The following DENND2A variants were observed in gnomAD, a reference collection of about 807,000 sequenced individuals.
DENND2A encodes DENN domain containing 2A.
In DENND2A, 53 loss-of-function variants were observed where a neutral mutation model predicts 105.3. That is an observed-to-expected ratio of 0.50 (90% CI 0.40 to 0.63). DENND2A has a LOEUF of 0.63. DENND2A is among the 30% of genes least tolerant of loss of function. The probability of loss-of-function intolerance (pLI) is 0.00; values close to 1 mark genes in which losing one functional copy is unlikely to be tolerated. For missense variants in DENND2A, 1,138 were observed against 1,279.6 expected (o/e 0.89, Z 1.69); for synonymous variants, 522 against 508.4 (o/e 1.03, Z -0.36).
intron 1 of DENND2A, among the ~76,000 whole-genome samples, chr7:140,635,639 G>A (rs537151084): frequency 5.8e-4 from 88 of 152,290 alleles, no homozygotes; most frequent in African/African-American, 2.1e-3. Flanking sequence ...CTGCAAGGGT[G>A]ACCCACCCCT....
At chr7:140,522,387 C>T (rs1465040461) in intron 17 of DENND2A, among the ~76,000 whole-genome samples, 1 of 152,056 alleles carries the variant, frequency 6.6e-6, no homozygotes, top group Non-Finnish European at 1.5e-5. Context: ...AATCCTGACT[C>T]ACTGCAACCT....
intron 3 of DENND2A, among the ~76,000 whole-genome samples, chr7:140,592,212 A>ATTT (rs576837816): frequency 7.4e-6 from 1 of 134,292 alleles, no homozygotes; most frequent in African/African-American, 2.8e-5. Flanking sequence ...GCTAATTTTT[A>ATTT]TTTTTTTTTT....
Position 140,602,016 on chromosome 7 carries a change from G to C in DENND2A, c.382C>G (p.Leu128Val). Reference sequence around the variant, plus strand: ...TCCACTTCCCGTTCTGGCTGGCTTAGGTCTTGCCCCGGCTCTGGGTCCTGT... The same window carrying C: ...TCCACTTCCCGTTCTGGCTGGCTTACGTCTTGCCCCGGCTCTGGGTCCTGT... The part of the protein sequence containing the change: ...GGQDPEPGQD[L>V]SQPEREVDPS... Residue 128 changes from leucine to valine, a missense_variant, in exon 3 of 20, where the codon CTA becomes GTA. Physicochemically the swap from Leu to Val is conservative, Grantham distance 32 (BLOSUM62 1). Transcript: ENST00000496613. 2 of 1,614,210 alleles carry C rather than the reference G, an allele frequency of 1.2e-6. No homozygotes were observed. Among genetic ancestry groups the C allele is most frequent in the Non-Finnish European group, 1.7e-6 (2 of 1,180,034 alleles).
intron 5 of DENND2A, among the ~76,000 whole-genome samples, chr7:140,574,439 G>A (rs764508302): frequency 3.3e-5 from 5 of 152,064 alleles, no homozygotes; most frequent in East Asian, 3.9e-4. Context: ...GGCTGGTCTC[G>A]AACTCTTAAG....
At chr7:140,603,334 T>C (rs1227434576) in intron 2 of DENND2A, among the ~76,000 whole-genome samples, 1 of 152,150 alleles carries the variant, frequency 6.6e-6, no homozygotes, top group Non-Finnish European at 1.5e-5. Flanking sequence ...AGGTAAAAGA[T>C]TACATAGGCT....
At chr7:140,563,813 A>T (rs2130583665) in intron 9 of DENND2A, among the ~76,000 whole-genome samples, 1 of 152,146 alleles carries the variant, frequency 6.6e-6, no homozygotes, top group Non-Finnish European at 1.5e-5. Flanking sequence ...GTCTCTACGA[A>T]AAATAAATAA....
Position 140,585,696 on chromosome 7 carries a change from C to T in DENND2A, c.1138G>A (p.Glu380Lys), listed in dbSNP as rs1798753275. ...AACTCGATGTCCTCATAAGGGTTCT[C>T]CTTCATTGGCGGATCTGTGTTCAAA... ...YEDILDPPMK[E>K]NPYEDIELHG... Residue 380 changes from glutamate (E) to lysine (K), a missense_variant, in exon 5 of 20, where the codon GAG (glutamate) becomes AAG (lysine). Glu to Lys is a moderately conservative substitution (Grantham distance 56). This residue lies in a region of DENND2A where 511 missense variants were observed against 499.9 expected (regional missense o/e 1.02). Transcript: ENST00000496613. The T allele has an allele frequency of 6.2e-7, 1 of 1,614,186 alleles. No homozygotes were observed. The highest frequency in any genetic ancestry group is 8.5e-7 in the Non-Finnish European group (1 of 1,180,026).
At chr7:140,630,515 A>C (rs571160313) in intron 1 of DENND2A, among the ~76,000 whole-genome samples, 1 of 152,238 alleles carries the variant, frequency 6.6e-6, no homozygotes, top group South Asian at 2.1e-4. Context: ...GACAATTAAA[A>C]CAACCAAAAC....
At chr7:140,620,595 G>A (rs1409873364) in intron 1 of DENND2A, among the ~76,000 whole-genome samples, 3 of 152,076 alleles carry the variant, frequency 2.0e-5, no homozygotes, top group Non-Finnish European at 2.9e-5. Flanking sequence ...GAATATAAAC[G>A]CTGCTGTTGT....
At chr7:140,613,880 A>G (rs1476438413) in intron 1 of DENND2A, among the ~76,000 whole-genome samples, 3 of 152,128 alleles carry the variant, frequency 2.0e-5, no homozygotes, top group Non-Finnish European at 4.4e-5. Flanking sequence ...GAGCTGGATG[A>G]ATGCACTACT....
At chr7:140,582,942 A>C (rs1798602745) in intron 5 of DENND2A, among the ~76,000 whole-genome samples, 1 of 152,214 alleles carries the variant, frequency 6.6e-6, no homozygotes, top group African/African-American at 2.4e-5. Flanking sequence ...ACTTAGGTTT[A>C]GAATATAAAC....
intron 1 of DENND2A, among the ~76,000 whole-genome samples, chr7:140,609,164 A>T (rs1417353194): frequency 6.6e-6 from 1 of 152,220 alleles, no homozygotes; most frequent in Non-Finnish European, 1.5e-5. Flanking sequence ...TTCCCACTCA[A>T]CTGCTTTCCA....
intron 1 of DENND2A, among the ~76,000 whole-genome samples, chr7:140,617,703 G>T (rs1181434728): frequency 6.6e-6 from 1 of 152,100 alleles, no homozygotes; most frequent in African/African-American, 2.4e-5. Context: ...GACAGAGTGA[G>T]ACCCTGTCTC....
Position 140,527,225 on chromosome 7 carries a change from T to C in DENND2A, c.2505+93A>G. ...CGCCCTGCTCCCCAACACTGCTGGCTCTGAGAACCGCTCCATGATGCCTGC... is the reference window on the plus strand; with the variant it reads ...CGCCCTGCTCCCCAACACTGCTGGCCCTGAGAACCGCTCCATGATGCCTGC... On this transcript the variant is annotated intron_variant, in intron 15 of 19. Coordinates refer to ENST00000496613, the MANE Select transcript of DENND2A (RefSeq NM_015689.5). The surrounding 1 kb of genome is among the most constrained non-coding windows in gnomAD (Gnocchi z 4.9). 7.3e-7 allele frequency: 1 copy of C among 1,376,808 alleles called. No homozygotes were observed. Among genetic ancestry groups the C allele is most frequent in the Non-Finnish European group, 9.7e-7 (1 of 1,034,086 alleles). 85.3% of individuals were successfully genotyped at this position (1,376,808 alleles called of 1,614,324 possible).
intron 1 of DENND2A, among the ~76,000 whole-genome samples, chr7:140,630,072 G>A (rs1361172092): frequency 6.6e-6 from 1 of 151,510 alleles, no homozygotes; most frequent in African/African-American, 2.4e-5. Context: ...TGTTGGCCAG[G>A]CTGGTCTCGA....
intron 14 of DENND2A, among the ~76,000 whole-genome samples, chr7:140,534,419 A>T (rs1240542083): frequency 6.6e-6 from 1 of 152,138 alleles, no homozygotes; most frequent in Non-Finnish European, 1.5e-5. Context: ...GCCCCTAAAC[A>T]CTAAAAGGAA....
chr7:140,569,823 G>A, intron 6 of DENND2A, 85 bp from the exon 7 acceptor site: 1 of 923,120 alleles, frequency 1.1e-6, no homozygotes, highest in Admixed American at 1.7e-5. Context: ...CCTCTCCTAG[G>A]ACGATGGAGG....
chr7:140,628,793 C>T (rs968068071), intron 1 of DENND2A, among the ~76,000 whole-genome samples: 1 of 152,012 alleles, frequency 6.6e-6, no homozygotes, highest in Non-Finnish European at 1.5e-5. Context: ...CCGCCTGCCT[C>T]GGCCTCCCAA....
intron 6 of DENND2A, among the ~76,000 whole-genome samples, chr7:140,572,794 T>C (rs1412603532): frequency 6.6e-6 from 1 of 150,384 alleles, no homozygotes; most frequent in East Asian, 1.9e-4. Context: ...TTGAAGGAGT[T>C]CAGGATGTAA....
Sources: allele counts gnomAD v4.1 joint callset (sites outside exome capture counted in the v4.1 genomes callset), GRCh38; gene constraint gnomAD v4.1.1; regional missense constraint gnomAD v4.1.1; non-coding constraint Gnocchi (gnomAD v3.1); transcripts MANE v1.5; gene names NCBI Gene and HGNC (gene_info 2026-07-23, HGNC 2026-07-21).